The following TOX2 variants were observed in gnomAD, a reference collection of about 807,000 sequenced individuals.
The protein encoded by TOX2 is granulosa cell HMG box 1.
TOX2 carries 15 observed loss-of-function variants against 47.4 expected under a neutral mutation model. The observed-to-expected ratio is 0.32, with a 90% confidence interval of 0.21 to 0.49. The LOEUF (loss-of-function observed/expected upper bound fraction) is 0.49. Among genes scored for constraint, TOX2 ranks in the 20% least tolerant of loss-of-function variants. The pLI is 0.99. For missense variants in TOX2, 622 were observed against 673.1 expected (o/e 0.92, Z 0.84); for synonymous variants, 290 against 296.6 (o/e 0.98, Z 0.23).
intron 5 of TOX2, among the ~76,000 whole-genome samples, chr20:44,059,768 CAA>C (rs1311232737): frequency 6.6e-6 from 1 of 152,130 alleles, no homozygotes; most frequent in Non-Finnish European, 1.5e-5. Flanking sequence ...AATCTTGAAA[CAA>C]ATTTTTGAAA....
At chr20:44,026,354 T>A (rs1281020378) in intron 3 of TOX2, among the ~76,000 whole-genome samples, 1 of 149,830 alleles carries the variant, frequency 6.7e-6, no homozygotes, top group African/African-American at 2.5e-5. Flanking sequence ...CTAAGTGAAG[T>A]AACTCAGGAA....
intron 1 of TOX2, among the ~76,000 whole-genome samples, chr20:43,972,254 G>C (rs972293657): frequency 5.3e-5 from 8 of 152,066 alleles, no homozygotes; most frequent in Non-Finnish European, 1.0e-4. Context: ...TCCTTACCTG[G>C]GCTACAACAG....
At chr20:44,019,509 G>T (rs577729739) in intron 3 of TOX2, among the ~76,000 whole-genome samples, 46 of 152,344 alleles carry the variant, frequency 3.0e-4, no homozygotes, top group Non-Finnish European at 5.7e-4. Flanking sequence ...TGTGGGTGTT[G>T]GTCAAAGCTC....
At chr20:43,941,516 A>G (rs894766997) in intron 1 of TOX2, among the ~76,000 whole-genome samples, 9 of 151,994 alleles carry the variant, frequency 5.9e-5, no homozygotes, top group African/African-American at 2.2e-4. Context: ...TATTTTTAGT[A>G]GAGATGGAGT....
intron 3 of TOX2, among the ~76,000 whole-genome samples, chr20:44,046,513 G>A (rs1342949221): frequency 9.8e-5 from 15 of 152,288 alleles, no homozygotes; most frequent in Non-Finnish European, 2.1e-4. Context: ...GTGCACCCAC[G>A]TTCCTAGCAG....
rs1200113972 is a variant in TOX2, at chr20:44,065,888, C to T, written c.1137C>T (p.Ser379=). 2.5e-6 allele frequency: 4 copies of T among 1,612,410 alleles called. No homozygotes were observed. Among genetic ancestry groups the T allele is most frequent in the East Asian group, 2.2e-5 (1 of 44,862 alleles). The change falls in exon 7 of 9, where the codon TCC becomes TCT. Residue 379 remains serine, a synonymous_variant. Transcript: ENST00000341197. ...CCAGCCTCGCCCGGACGCTGGGCTC[C>T]AAGTCTCTGCTGCCAGGCCTCAGTG... ...SPASLARTLG[S]KSLLPGLSAS... is the part of the protein sequence containing the mutation.
intron 1 of TOX2, among the ~76,000 whole-genome samples, chr20:43,920,793 T>C (rs1057315980): frequency 5.3e-5 from 8 of 152,148 alleles, no homozygotes; most frequent in Non-Finnish European, 1.5e-5. Context: ...GGTGGAAATA[T>C]AATGAAATAA....
Position 44,026,228 on chromosome 20 carries a change from GAT to G in TOX2, c.411+19456_411+19457del, listed in dbSNP as rs6147358. 2.3e-3 allele frequency among the ~76,000 whole-genome samples: 139 copies of G among 60,082 alleles called. 16 individuals carry two copies. Among genetic ancestry groups the G allele is most frequent in the Middle Eastern group, 0.01 (1 of 98 alleles). The allele number at this position is 60,082 out of a possible 152,430, so 39.4% of individuals were successfully genotyped here. A position where few individuals can be genotyped will look rare whatever the true frequency, so the allele number is the denominator to read the frequency against. ...TCGATCGAGTGGATAAAGAAACTGT[GAT>G]ATATATATATATATATATAGACACA... On this transcript the variant is annotated intron_variant, in intron 3 of 8. Coordinates refer to ENST00000341197, the MANE Select transcript of TOX2 (RefSeq NM_001098797.2).
At chr20:43,966,395 G>A (rs2069853929) in intron 1 of TOX2, among the ~76,000 whole-genome samples, 1 of 152,190 alleles carries the variant, frequency 6.6e-6, no homozygotes, top group South Asian at 2.1e-4. Flanking sequence ...GAAGGGCCTA[G>A]GAAGAGGTAG....
intron 1 of TOX2, among the ~76,000 whole-genome samples, chr20:43,950,812 A>G (rs1450716747): frequency 4.6e-5 from 7 of 152,072 alleles, no homozygotes; most frequent in Middle Eastern, 3.4e-3. Context: ...TCTATCTCCA[A>G]TGCAAGAGCG....
chr20:43,942,645 C>T (rs2069416064), intron 1 of TOX2, among the ~76,000 whole-genome samples: 1 of 152,090 alleles, frequency 6.6e-6, no homozygotes. Flanking sequence ...ATGCTCATGC[C>T]ACTGCACTGC....
At chr20:44,021,687 G>C (rs904034131) in intron 3 of TOX2, among the ~76,000 whole-genome samples, 1 of 152,014 alleles carries the variant, frequency 6.6e-6, no homozygotes, top group Non-Finnish European at 1.5e-5. Flanking sequence ...GGAGTGCAGC[G>C]GTGCAATCAT....
At chr20:44,011,820 C>G (rs541479361) in intron 3 of TOX2, among the ~76,000 whole-genome samples, 39 of 152,382 alleles carry the variant, frequency 2.6e-4, no homozygotes, top group Admixed American at 6.5e-4. Context: ...CAGAGGCCAC[C>G]AATTCTTTCC....
intron 7 of TOX2, 146 bp from the exon 8 acceptor site, chr20:44,066,584 C>T (rs1337784519): frequency 1.0e-5 from 13 of 1,249,888 alleles, no homozygotes; most frequent in African/African-American, 3.0e-5. Flanking sequence ...GAAAGGTGCT[C>T]TACTGGGAGC....
chr20:43,973,330 T>G, intron 1 of TOX2, 37 bp from the exon 2 acceptor site: 1 of 1,607,832 alleles, frequency 6.2e-7, no homozygotes, highest in African/African-American at 1.3e-5. Flanking sequence ...TGAGAGCATT[T>G]TAATCAGAGC....
rs1331572548 is a variant in TOX2, at chr20:43,916,418, G to A, written c.99+1428G>A. Among the ~76,000 whole-genome samples, 1 of 152,236 alleles carries A rather than the reference G, an allele frequency of 6.6e-6. No individual in the cohort carries two copies. The highest frequency in any genetic ancestry group is 1.5e-5 in the Non-Finnish European group (1 of 68,030). ...AAAGCCTCCCTGCAGTTCGCCAGGGGCAGCAAGCATCCAGGCCACTAGGGC... is the reference window on the plus strand; with the variant it reads ...AAAGCCTCCCTGCAGTTCGCCAGGGACAGCAAGCATCCAGGCCACTAGGGC... On this transcript the variant is annotated intron_variant, in intron 1 of 8. Transcript: ENST00000341197. This position sits in a 1 kb window ranked among gnomAD's most constrained non-coding sequence, Gnocchi z 5.0.
chr20:44,061,438 T>G (rs546080461), intron 5 of TOX2, among the ~76,000 whole-genome samples: 1 of 152,178 alleles, frequency 6.6e-6, no homozygotes, highest in Admixed American at 6.5e-5. Context: ...ATTCCTTCTA[T>G]GCCCAAAATC....
chr20:44,024,471 ATTTACT>A (rs2071028018), intron 3 of TOX2, among the ~76,000 whole-genome samples: 1 of 151,852 alleles, frequency 6.6e-6, no homozygotes, highest in African/African-American at 2.4e-5. Context: ...TCTTTAGTTC[ATTTACT>A]TTTATTGTTT....
intron 3 of TOX2, among the ~76,000 whole-genome samples, chr20:44,018,266 C>T (rs2070914234): frequency 6.6e-6 from 1 of 152,162 alleles, no homozygotes; most frequent in South Asian, 2.1e-4. Context: ...CCTTTCCATC[C>T]CCTGCTGGGC....
Sources: allele counts gnomAD v4.1 joint callset (sites outside exome capture counted in the v4.1 genomes callset), GRCh38; gene constraint gnomAD v4.1.1; non-coding constraint Gnocchi (gnomAD v3.1); transcripts MANE v1.5; gene names NCBI Gene and HGNC (gene_info 2026-07-23, HGNC 2026-07-21).